The following MAD1L1 variants were observed in gnomAD, a reference collection of about 807,000 sequenced individuals.
The protein encoded by MAD1L1 is mitotic arrest deficient 1 like 1.
In MAD1L1, 95 loss-of-function variants were observed where a neutral mutation model predicts 96.9. The ratio of observed to expected loss-of-function variants is 0.98; its 90% CI spans 0.83 to 1.16. MAD1L1 has a LOEUF of 1.16. Among genes scored for constraint, MAD1L1 ranks in the 50% most tolerant of loss-of-function variants. The pLI, the probability that MAD1L1 is intolerant of heterozygous loss-of-function variation, is 0.00. For missense variants in MAD1L1, 1,007 were observed against 954.4 expected, an observed-to-expected ratio of 1.06 and a Z score of -0.73; for synonymous variants, 473 against 396.6, an observed-to-expected ratio of 1.19 and a Z score of -2.29.
Position 1,957,612 on chromosome 7 carries a change from G to A in MAD1L1, c.1596+17C>T, listed in dbSNP as rs199637850. 1,720 of 1,612,894 alleles carry A rather than the reference G, an allele frequency of 1.1e-3. 18 individuals carry two copies. Among genetic ancestry groups the A allele is most frequent in the Non-Finnish European group, 2.8e-4 (332 of 1,179,498 alleles). On this transcript the variant is annotated intron_variant, in intron 16 of 18. Transcript: ENST00000265854. The stretch of plus-strand genomic sequence containing the variant: ...AGGCCCAGGCAGTGCCTCACCCAGA[G>A]GCTGCCCCGCCCTCACCTGCAGAGC...
intron 10 of MAD1L1, among the ~76,000 whole-genome samples, chr7:2,200,799 C>T (rs535017690): frequency 1.3e-5 from 2 of 152,340 alleles, no homozygotes; most frequent in South Asian, 4.1e-4. Flanking sequence ...GCTGGTCCAC[C>T]CTTCGGCCCA....
At chr7:2,192,048 A>G (rs1791750507) in intron 10 of MAD1L1, among the ~76,000 whole-genome samples, 1 of 152,018 alleles carries the variant, frequency 6.6e-6, no homozygotes, top group Non-Finnish European at 1.5e-5. Flanking sequence ...AAAAAAATAC[A>G]TAAAATAAAA....
intron 16 of MAD1L1, among the ~76,000 whole-genome samples, chr7:1,957,029 C>T (rs535670017): frequency 1.4e-4 from 22 of 152,336 alleles, no homozygotes; most frequent in African/African-American, 3.6e-4. Context: ...CTCTGGTGGG[C>T]GGGCAGCAGC....
chr7:2,029,214 TAAAG>T (rs889380950), intron 12 of MAD1L1, among the ~76,000 whole-genome samples: 14 of 152,170 alleles, frequency 9.2e-5, no homozygotes, highest in South Asian at 2.1e-4. Flanking sequence ...AGCCAAGAAA[TAAAG>T]AAATTCAAAC....
chr7:1,901,624 C>A (rs1260940423), intron 17 of MAD1L1, among the ~76,000 whole-genome samples: 4 of 152,242 alleles, frequency 2.6e-5, no homozygotes, highest in African/African-American at 9.6e-5. Flanking sequence ...CCTGCTGGGC[C>A]AGGGGTGCTC....
intron 18 of MAD1L1, among the ~76,000 whole-genome samples, chr7:1,842,345 C>T (rs1783314195): frequency 6.6e-6 from 1 of 152,256 alleles, no homozygotes; most frequent in African/African-American, 2.4e-5. Context: ...CAGCAGCTCC[C>T]TGCGGCTCCG....
At chr7:2,210,721 G>A (rs1386775038) in intron 10 of MAD1L1, among the ~76,000 whole-genome samples, 2 of 152,194 alleles carry the variant, frequency 1.3e-5, no homozygotes, top group Admixed American at 6.5e-5. Context: ...AGGGGCCCAG[G>A]CATGGCAGGC....
chr7:1,868,620 G>A (rs1240732291), intron 18 of MAD1L1, among the ~76,000 whole-genome samples: 1 of 152,222 alleles, frequency 6.6e-6, no homozygotes, highest in Non-Finnish European at 1.5e-5. Context: ...AGCGCGTCAT[G>A]CGATACCCTT....
intron 11 of MAD1L1, among the ~76,000 whole-genome samples, chr7:2,118,119 AC>A (rs1248286778): frequency 2.0e-5 from 3 of 151,960 alleles, no homozygotes; most frequent in African/African-American, 7.2e-5. Flanking sequence ...CACCCTGTGC[AC>A]CCGACACTCA....
chr7:2,156,767 G>T (rs990438361), intron 10 of MAD1L1, among the ~76,000 whole-genome samples: 12 of 149,828 alleles, frequency 8.0e-5, no homozygotes, highest in Non-Finnish European at 1.2e-4. Context: ...GTTACAGTGA[G>T]CTGAGACCAC....
At chr7:1,945,626 A>C (rs1205076624) in intron 16 of MAD1L1, among the ~76,000 whole-genome samples, 1 of 152,180 alleles carries the variant, frequency 6.6e-6, no homozygotes. Flanking sequence ...CCATCTGCAG[A>C]CGCCATGGGG....
intron 1 of MAD1L1, among the ~76,000 whole-genome samples, 177 bp downstream of exon 1, chr7:2,232,695 A>G (rs1476221365): frequency 6.6e-6 from 1 of 152,088 alleles, no homozygotes; most frequent in Non-Finnish European, 1.5e-5. Context: ...GAGAGCACAG[A>G]GAGGAGAGCG....
chr7:1,995,188 G>A (rs1052254972), intron 14 of MAD1L1, among the ~76,000 whole-genome samples: 3 of 152,168 alleles, frequency 2.0e-5, no homozygotes, highest in Non-Finnish European at 2.9e-5. Flanking sequence ...TGGCCAGCAC[G>A]ATTCCTTCCA....
At chr7:1,886,011 C>A (rs1785997278) in intron 18 of MAD1L1, among the ~76,000 whole-genome samples, 1 of 152,274 alleles carries the variant, frequency 6.6e-6, no homozygotes, top group Admixed American at 6.5e-5. Context: ...ACTGCCTCCA[C>A]CCCACGACCG....
intron 15 of MAD1L1, among the ~76,000 whole-genome samples, chr7:1,979,535 G>T (rs768901835): frequency 3.9e-5 from 6 of 152,274 alleles, no homozygotes; most frequent in Non-Finnish European, 7.3e-5. Flanking sequence ...GGAGCCCGGA[G>T]CTCCACCTGC....
chr7:2,208,285 T>C (rs944705884), intron 10 of MAD1L1, among the ~76,000 whole-genome samples: 1 of 151,894 alleles, frequency 6.6e-6, no homozygotes, highest in Non-Finnish European at 1.5e-5. Flanking sequence ...CCTGTAAACC[T>C]CACGGTTTAG....
At chr7:2,208,154 T>C (rs1168363530) in intron 10 of MAD1L1, among the ~76,000 whole-genome samples, 2 of 152,218 alleles carry the variant, frequency 1.3e-5, no homozygotes, top group African/African-American at 2.4e-5. Flanking sequence ...GATTTTCTTA[T>C]ATGCATTCCT....
intron 16 of MAD1L1, among the ~76,000 whole-genome samples, chr7:1,938,901 G>GCACACACA (rs1491147111): frequency 9.8e-5 from 6 of 61,324 alleles, no homozygotes; most frequent in African/African-American, 1.9e-4. Flanking sequence ...GGCCAGAGGC[G>GCACACACA]CGCACACACA....
intron 14 of MAD1L1, among the ~76,000 whole-genome samples, chr7:1,995,259 G>A (rs1781504554): frequency 6.6e-6 from 1 of 152,230 alleles, no homozygotes; most frequent in African/African-American, 2.4e-5. Flanking sequence ...GCTGGACGCA[G>A]GGAAACCTGA....
Sources: allele counts gnomAD v4.1 joint callset (sites outside exome capture counted in the v4.1 genomes callset), GRCh38; gene constraint gnomAD v4.1.1; transcripts MANE v1.5; gene names NCBI Gene and HGNC (gene_info 2026-07-23, HGNC 2026-07-21).